PPP1R14C: variants seen among roughly 807,000 people sequenced by gnomAD.
PPP1R14C encodes the protein protein phosphatase 1 regulatory subunit 14C.
PPP1R14C carries 16 observed loss-of-function variants against 20.4 expected under a neutral mutation model. The observed-to-expected ratio is 0.78, with a 90% CI of 0.53 to 1.19. PPP1R14C has a LOEUF of 1.19. Ranked by LOEUF, PPP1R14C falls within the 50% of genes most tolerant of loss-of-function variation. PPP1R14C has a pLI of 0.00. For missense variants in PPP1R14C, 211 were observed against 220.1 expected (o/e 0.96, Z 0.26); for synonymous variants, 91 against 91.0 (o/e 1.00, Z 0.00).
intron 1 of PPP1R14C, chr6:150,196,009 C>T: frequency 2.0e-6 from 2 of 985,432 alleles, no homozygotes; most frequent in Non-Finnish European, 2.4e-6. Flanking sequence ...AAGAACCTGT[C>T]TCAGTGAGTG....
At chr6:150,145,639 T>C (rs565827080) in intron 1 of PPP1R14C, among the ~76,000 whole-genome samples, 2 of 152,366 alleles carry the variant, frequency 1.3e-5, no homozygotes, top group African/African-American at 2.4e-5. Flanking sequence ...TCTTTGTTGA[T>C]AGCTTCAAGT....
At chr6:150,225,295 G>T (rs1219138103) in intron 3 of PPP1R14C, among the ~76,000 whole-genome samples, 1 of 152,142 alleles carries the variant, frequency 6.6e-6, no homozygotes, top group Non-Finnish European at 1.5e-5. Flanking sequence ...ATTCTTAGAG[G>T]TAAGACTCGT....
At chr6:150,248,295 C>T (rs889545899) in intron 3 of PPP1R14C, among the ~76,000 whole-genome samples, 1 of 152,152 alleles carries the variant, frequency 6.6e-6, no homozygotes, top group African/African-American at 2.4e-5. Context: ...AAATTTGAGG[C>T]ACACTAGTCC....
intron 3 of PPP1R14C, among the ~76,000 whole-genome samples, chr6:150,230,072 A>C (rs1778276450): frequency 6.6e-6 from 1 of 152,128 alleles, no homozygotes; most frequent in Non-Finnish European, 1.5e-5. Flanking sequence ...AGGAGTTTTC[A>C]GTGTGATTTT....
intron 2 of PPP1R14C, 95 bp from the exon 3 acceptor site, chr6:150,216,729 T>C: frequency 1.2e-6 from 1 of 814,760 alleles, no homozygotes; most frequent in Non-Finnish European, 2.0e-6. Context: ...CATTATAAAA[T>C]AATACTATGA....
At chr6:150,170,670 A>C (rs898856128) in intron 1 of PPP1R14C, among the ~76,000 whole-genome samples, 1 of 152,122 alleles carries the variant, frequency 6.6e-6, no homozygotes, top group Admixed American at 6.6e-5. Context: ...CCAAAGAGAC[A>C]AAAATCACTT....
intron 3 of PPP1R14C, among the ~76,000 whole-genome samples, chr6:150,222,585 ATCC>A (rs1036791287): frequency 1.1e-4 from 16 of 151,918 alleles, no homozygotes; most frequent in African/African-American, 3.6e-4. Context: ...TGCCCTAACA[ATCC>A]TCCGTGCTCT....
intron 1 of PPP1R14C, among the ~76,000 whole-genome samples, chr6:150,161,059 C>T (rs926765143): frequency 1.3e-5 from 2 of 152,000 alleles, no homozygotes; most frequent in Non-Finnish European, 1.5e-5. Context: ...GAGGGCAGAT[C>T]GCCTGAGGTC....
chr6:150,236,032 T>C (rs1778355484), intron 3 of PPP1R14C, among the ~76,000 whole-genome samples: 1 of 152,190 alleles, frequency 6.6e-6, no homozygotes, highest in Non-Finnish European at 1.5e-5. Context: ...TAATAAAGAC[T>C]TCTCACCCCA....
intron 3 of PPP1R14C, among the ~76,000 whole-genome samples, chr6:150,229,591 G>A (rs1351197886): frequency 6.6e-6 from 1 of 152,136 alleles, no homozygotes; most frequent in African/African-American, 2.4e-5. Flanking sequence ...ATAGATTAAT[G>A]GGACTTCGCT....
chr6:150,236,937 GTC>G (rs1461474594), intron 3 of PPP1R14C, among the ~76,000 whole-genome samples: 2 of 152,104 alleles, frequency 1.3e-5, no homozygotes, highest in Admixed American at 6.5e-5. Context: ...AGCGGTTAGA[GTC>G]TCTGTTGTCT....
chr6:150,195,289 G>A, intron 1 of PPP1R14C: 1 of 445,746 alleles, frequency 2.2e-6, no homozygotes, highest in Non-Finnish European at 3.0e-6. Flanking sequence ...TAAATGAAAT[G>A]CAGTTCCTGC....
At chr6:150,209,841 T>G (rs1778000135) in intron 1 of PPP1R14C, among the ~76,000 whole-genome samples, 2 of 143,744 alleles carry the variant, frequency 1.4e-5, no homozygotes, top group African/African-American at 2.6e-5. Context: ...GTGTATATAT[T>G]TGTGTGTGTG....
At chr6:150,150,221 C>A (rs1777229558) in intron 1 of PPP1R14C, among the ~76,000 whole-genome samples, 1 of 152,120 alleles carries the variant, frequency 6.6e-6, no homozygotes. Flanking sequence ...TGCATCCTTA[C>A]AGCTTTATGT....
rs139080328 is a variant in PPP1R14C at position 150,237,328 on chromosome 6, G to A, written c.424-11418G>A. ...AAGTGATTCTCCTGCTTCAGCCTCC[G>A]GAGTAGCTGGGATTACAGGCATGTG... On this transcript the variant is annotated intron_variant, in intron 3 of 3. Transcript: ENST00000361131. 3.3e-3 allele frequency among the ~76,000 whole-genome samples: 509 copies of A among 152,124 alleles called. 4 individuals carry two copies. Among genetic ancestry groups the A allele is most frequent in the African/African-American group, 0.012 (495 of 41,494 alleles).
chr6:150,230,444 C>T (rs1778280583), intron 3 of PPP1R14C, among the ~76,000 whole-genome samples: 2 of 152,334 alleles, frequency 1.3e-5, no homozygotes, highest in East Asian at 1.9e-4. Context: ...GAGGAGGCAA[C>T]ACGTGGGGAG....
chr6:150,174,377 T>A (rs111798024), intron 1 of PPP1R14C, among the ~76,000 whole-genome samples: 2,510 of 151,884 alleles, frequency 0.017, 32 homozygotes, highest in Non-Finnish European at 0.022. Flanking sequence ...CCCCCACCAC[T>A]CCCAGGTAAT....
chr6:150,207,677 G>GT (rs1777970983), intron 1 of PPP1R14C, among the ~76,000 whole-genome samples: 1 of 152,288 alleles, frequency 6.6e-6, no homozygotes, highest in African/African-American at 2.4e-5. Flanking sequence ...AATGTCTATG[G>GT]TTTTTTCTCT....
intron 1 of PPP1R14C, among the ~76,000 whole-genome samples, chr6:150,146,259 G>A (rs992574836): frequency 3.3e-5 from 5 of 152,202 alleles, no homozygotes; most frequent in Admixed American, 6.5e-5. Context: ...TGTAGCTGGT[G>A]GGTGGGTTGG....
Sources: allele counts gnomAD v4.1 joint callset (sites outside exome capture counted in the v4.1 genomes callset), GRCh38; gene constraint gnomAD v4.1.1; transcripts MANE v1.5; gene names NCBI Gene and HGNC (gene_info 2026-07-23, HGNC 2026-07-21).